Variants in CDRT4 observed in about 807,000 individuals in gnomAD.
CDRT4 encodes CMT1A duplicated region transcript 4.
For missense variants in CDRT4, 167 were observed against 193.1 expected, an observed-to-expected ratio of 0.87 and a Z score of 0.80; for synonymous variants, 64 against 69.6, an observed-to-expected ratio of 0.92 and a Z score of 0.40.
At chr17:15,463,631 C>G (rs1490752854) in intron 1 of CDRT4, among the ~76,000 whole-genome samples, 1 of 152,182 alleles carries the variant, frequency 6.6e-6, no homozygotes, top group African/African-American at 2.4e-5. Context: ...TTCCATGCAG[C>G]TCCACCCTCT....
chr17:15,464,083 T>C lies in CDRT4; in HGVS notation c.-130+3377A>G, dbSNP rs1223072104. Among the ~76,000 whole-genome samples, 6 of 152,294 alleles carry C rather than the reference T, an allele frequency of 3.9e-5. No homozygotes were observed. The highest frequency in any genetic ancestry group is 5.9e-5 in the Non-Finnish European group (4 of 68,022). ...GGCATGGAGGGGCAGACCTCGAATG[T>C]TGGCATTAGGCAGTGCTAGGTTCGA... On this transcript the variant is annotated intron_variant, in intron 1 of 3. Coordinates refer to ENST00000619038, the MANE Select transcript of CDRT4 (RefSeq NM_001204477.2). This position sits in a 1 kb window ranked among gnomAD's most constrained non-coding sequence, Gnocchi z 4.5.
rs752708188 is a variant in CDRT4, at chr17:15,437,868, G to A, written c.364C>T (p.His122Tyr). 3.7e-6 allele frequency: 6 copies of A among 1,614,208 alleles called. No individual in the cohort carries two copies. The highest frequency in any genetic ancestry group is 2.2e-5 in the South Asian group (2 of 91,086). Reference sequence around the variant, plus strand: ...GTTGGACAGTCTCTGGAATCCGCATGTAAGTGTGTGGGTTCTGGGATCATG... The same window carrying A: ...GTTGGACAGTCTCTGGAATCCGCATATAAGTGTGTGGGTTCTGGGATCATG... ...PTMIPEPTHLHADSRDCPTEN... is the reference protein window; with the variant it reads ...PTMIPEPTHLYADSRDCPTEN... Residue 122 changes from histidine to tyrosine, a missense_variant, in exon 4 of 4, where the codon CAT becomes TAT. By Grantham distance (83) the His-to-Tyr change is moderately conservative. Transcript: ENST00000619038.
At chr17:15,467,042 T>C (rs1980072280) in intron 1 of CDRT4, among the ~76,000 whole-genome samples, 1 of 151,162 alleles carries the variant, frequency 6.6e-6, no homozygotes, top group South Asian at 2.1e-4. Flanking sequence ...ATCACCCTCA[T>C]CCCCAACCCA....
intron 1 of CDRT4, among the ~76,000 whole-genome samples, chr17:15,466,587 C>T (rs1169590077): frequency 6.6e-6 from 1 of 152,128 alleles, no homozygotes; most frequent in Non-Finnish European, 1.5e-5. Context: ...TGCAGTGGCA[C>T]GATCATGGCT....
Position 15,459,898 on chromosome 17 carries a change from C to T in CDRT4, c.-129-6813G>A, listed in dbSNP as rs544035005. 6.3e-4 allele frequency among the ~76,000 whole-genome samples: 96 copies of T among 152,204 alleles called. No homozygotes were observed. The South Asian group carries it at 8.5e-3, about 13-fold the overall frequency. ...ACCTGTTGGCAAGGGAGCCAGCAGG[C>T]CCCTTTCTCCTGAGTCCCAGCACCT... is the stretch of plus-strand genomic sequence containing the variant. On this transcript the variant is annotated intron_variant, in intron 1 of 3. Coordinates refer to ENST00000619038, the MANE Select transcript of CDRT4 (RefSeq NM_001204477.2).
chr17:15,444,672 C>T (rs1238128035), intron 2 of CDRT4, among the ~76,000 whole-genome samples: 5 of 150,222 alleles, frequency 3.3e-5, no homozygotes, highest in Non-Finnish European at 7.4e-5. Context: ...GCCAGCATGA[C>T]GAAACCCCGT....
chr17:15,459,160 A>G lies in CDRT4; in HGVS notation c.-129-6075T>C, dbSNP rs145081781. Among the ~76,000 whole-genome samples, 334 of 152,258 alleles carry G rather than the reference A, an allele frequency of 2.2e-3. 2 individuals carry two copies. The highest frequency in any genetic ancestry group is 7.8e-3 in the African/African-American group (324 of 41,558). On this transcript the variant is annotated intron_variant, in intron 1 of 3. Transcript: ENST00000619038. ...TTCCAGTTTCAGGAACACTTTTTCT[A>G]CCTCAGTTTGGCCACTGTTTCATGG...
At chr17:15,441,504 C>A (rs1334284511) in intron 2 of CDRT4, among the ~76,000 whole-genome samples, 2 of 152,078 alleles carry the variant, frequency 1.3e-5, no homozygotes, top group African/African-American at 4.8e-5. Flanking sequence ...TCAGCTGCCA[C>A]GTACGTGAGG....
chr17:15,441,390 T>C (rs1374536308), intron 2 of CDRT4, among the ~76,000 whole-genome samples: 1 of 152,218 alleles, frequency 6.6e-6, no homozygotes, highest in East Asian at 1.9e-4. Context: ...CCTGAGAATC[T>C]GCATCTCTAA....
intron 2 of CDRT4, chr17:15,452,513 C>G (rs1201078269): frequency 6.6e-6 from 1 of 152,268 alleles, no homozygotes; most frequent in Non-Finnish European, 1.5e-5. Context: ...CTAGTCTCAC[C>G]TTGTCCAATA....
intron 2 of CDRT4, among the ~76,000 whole-genome samples, chr17:15,446,723 G>A (rs575329083): frequency 6.6e-6 from 1 of 152,272 alleles, no homozygotes; most frequent in African/African-American, 2.4e-5. Context: ...GGGTGGGGAG[G>A]TGGGAGTCTG....
At chr17:15,451,829 C>T (rs767580332) in intron 2 of CDRT4, among the ~76,000 whole-genome samples, 1 of 152,234 alleles carries the variant, frequency 6.6e-6, no homozygotes, top group Non-Finnish European at 1.5e-5. Context: ...AACACTATCC[C>T]TGCCTGACAT....
intron 1 of CDRT4, among the ~76,000 whole-genome samples, chr17:15,462,605 AG>A (rs764697459): frequency 6.6e-6 from 1 of 152,148 alleles, no homozygotes; most frequent in Non-Finnish European, 1.5e-5. Flanking sequence ...AGCAATGAAA[AG>A]GAACAGGCTA....
rs769423214 is a variant in CDRT4 at position 15,438,016 on chromosome 17, G to A, written c.216C>T (p.Ser72=). The change falls in exon 4 of 4, where the codon AGC becomes AGT. Residue 72 remains serine, a synonymous_variant. Transcript: ENST00000619038. The part of the protein sequence containing the change: ...PWASRQNKPS[S]VIQPKRRKSS... ...ACTTCCTCCTTTTCGGCTGAATGAC[G>A]CTGGAAGGTTTATTCTGCCTTGATG... 13 of 1,614,180 alleles carry A rather than the reference G, an allele frequency of 8.1e-6. No homozygotes were observed. Among genetic ancestry groups the A allele is most frequent in the East Asian group, 4.5e-5 (2 of 44,884 alleles).
chr17:15,459,460 T>TTTTTTTG (rs1979647011), intron 1 of CDRT4, among the ~76,000 whole-genome samples: 1 of 130,466 alleles, frequency 7.7e-6, no homozygotes, highest in Non-Finnish European at 1.5e-5. Context: ...TTTTTTTTTT[T>TTTTTTTG]GTGAGACAGA....
chr17:15,450,628 G>T lies in CDRT4; in HGVS notation c.-48+2376C>A, dbSNP rs1045307330. Among the ~76,000 whole-genome samples, 2 of 151,340 alleles carry T rather than the reference G, an allele frequency of 1.3e-5. No individual in the cohort carries two copies. The highest frequency in any genetic ancestry group is 4.2e-4 in the South Asian group (2 of 4,790). ...CAAAGTGATGGCAATCAGTTTTGTG[G>T]CTCTACATCTCATCAATTTGCCACA... On this transcript the variant is annotated intron_variant, in intron 2 of 3. Transcript: ENST00000619038. The surrounding 1 kb of genome is among the most constrained non-coding windows in gnomAD (Gnocchi z 4.2).
intron 1 of CDRT4, among the ~76,000 whole-genome samples, chr17:15,455,275 G>A (rs1253060383): frequency 3.3e-5 from 5 of 152,180 alleles, no homozygotes; most frequent in Admixed American, 3.3e-4. Context: ...TAGATGCTAT[G>A]CCAACAAAGC....
In CDRT4 at chr17:15,450,995, T is replaced by G. The variant is rs965146660; in HGVS notation, c.-48+2009A>C. Reference sequence around the variant, plus strand: ...AACTGAACTACTGAACACCTGCTACTGGTCTCCCTGCTTCCACTCTTGTTC... The same window carrying G: ...AACTGAACTACTGAACACCTGCTACGGGTCTCCCTGCTTCCACTCTTGTTC... On this transcript the variant is annotated intron_variant, in intron 2 of 3. Coordinates refer to ENST00000619038, the MANE Select transcript of CDRT4 (RefSeq NM_001204477.2). The surrounding 1 kb of genome is among the most constrained non-coding windows in gnomAD (Gnocchi z 4.2). Among the ~76,000 whole-genome samples, 1 of 152,204 alleles carries G rather than the reference T, an allele frequency of 6.6e-6. No individual in the cohort carries two copies. Among genetic ancestry groups the G allele is most frequent in the Non-Finnish European group, 1.5e-5 (1 of 68,036 alleles).
At chr17:15,458,594 G>A (rs1460220497) in intron 1 of CDRT4, among the ~76,000 whole-genome samples, 1 of 152,206 alleles carries the variant, frequency 6.6e-6, no homozygotes, top group Non-Finnish European at 1.5e-5. Flanking sequence ...TGTCCAGCAT[G>A]ACAGTCTGTC....
Sources: allele counts gnomAD v4.1 joint callset (sites outside exome capture counted in the v4.1 genomes callset), GRCh38; gene constraint gnomAD v4.1.1; non-coding constraint Gnocchi (gnomAD v3.1); transcripts MANE v1.5; gene names NCBI Gene and HGNC (gene_info 2026-07-23, HGNC 2026-07-21).